Variants in DOP1A observed in about 807,000 individuals in gnomAD.
DOP1A encodes the protein protein DOP1A.
In DOP1A, 90 loss-of-function variants were observed where a neutral mutation model predicts 267.6. That is an observed-to-expected ratio of 0.34 (90% CI 0.28 to 0.40). The LOEUF is 0.40. DOP1A is among the 10% of genes least tolerant of loss of function. The pLI, the probability that DOP1A is intolerant of heterozygous loss-of-function variation, is 1.00. For synonymous variants in DOP1A, 932 were observed against 999.1 expected (o/e 0.93, Z 1.27); for missense variants, 2,437 against 2,900.4 (o/e 0.84, Z 3.67).
chr6:83,148,332 T>C (rs1378801660), intron 26 of DOP1A, among the ~76,000 whole-genome samples: 1 of 151,894 alleles, frequency 6.6e-6, no homozygotes, highest in Non-Finnish European at 1.5e-5. Context: ...GAGAATTGCT[T>C]GAACCGGGGA....
chr6:83,167,602 A>G, intron 38 of DOP1A: 1 of 1,169,828 alleles, frequency 8.5e-7, no homozygotes, highest in Non-Finnish European at 1.1e-6. Context: ...TCCTGTTCAA[A>G]GCTATTTCTG....
intron 24 of DOP1A, among the ~76,000 whole-genome samples, chr6:83,142,752 AT>A (rs1383687447): frequency 9.3e-5 from 14 of 151,302 alleles, no homozygotes; most frequent in South Asian, 4.2e-4. Flanking sequence ...TAATTCACAA[AT>A]TTTTTTTTCT....
At chr6:83,076,330 T>G (rs1203632718) in intron 1 of DOP1A, among the ~76,000 whole-genome samples, 1 of 152,128 alleles carries the variant, frequency 6.6e-6, no homozygotes. Context: ...GAGACCATCC[T>G]GGCCAACATG....
At position 83,137,479 on chromosome 6, in the gene DOP1A, A is replaced by T. The variant is rs1010935607; in HGVS notation, c.3437A>T (p.Asp1146Val). 2 of 1,613,688 alleles carry T rather than the reference A, an allele frequency of 1.2e-6. No homozygotes were observed. The highest frequency in any genetic ancestry group is 1.7e-6 in the Non-Finnish European group (2 of 1,179,844). The change falls in exon 21 of 39, where the codon GAT becomes GTT. Residue 1146 changes from aspartate to valine, a missense_variant. This residue lies in a region of DOP1A where 878 missense variants were observed against 992.9 expected (regional missense o/e 0.88). Coordinates refer to ENST00000349129, the MANE Select transcript of DOP1A (RefSeq NM_015018.4). ...DSQMPKESSP[D>V]DDVQQVVFDL... ...CAAATGCCCAAGGAAAGCTCCCCAG[A>T]TGATGATGTTCAACAGGTAGTATTT...
chr6:83,126,705 G>A (rs747734578), intron 15 of DOP1A, among the ~76,000 whole-genome samples: 54 of 152,048 alleles, frequency 3.6e-4, no homozygotes, highest in Non-Finnish European at 7.5e-4. Context: ...TGGTGAGGGA[G>A]GTAAAAAGAG....
intron 1 of DOP1A, among the ~76,000 whole-genome samples, chr6:83,078,350 A>T (rs1180995615): frequency 2.6e-5 from 4 of 152,208 alleles, no homozygotes; most frequent in Non-Finnish European, 4.4e-5. Flanking sequence ...GGATTATCAA[A>T]TGTACTTTTC....
At chr6:83,111,337 C>T (rs1355320092) in intron 6 of DOP1A, among the ~76,000 whole-genome samples, 1 of 151,314 alleles carries the variant, frequency 6.6e-6, no homozygotes, top group African/African-American at 2.4e-5. Flanking sequence ...ATTGAACACT[C>T]ATGTATGAGT....
chr6:83,168,591 A>C, downstream of DOP1A: 4 of 998,002 alleles, frequency 4.0e-6, no homozygotes, highest in Non-Finnish European at 4.8e-6. Flanking sequence ...AACGTATTAT[A>C]ATTAGTTTTT....
chr6:83,073,750 AC>A (rs1786003774), intron 1 of DOP1A, among the ~76,000 whole-genome samples: 1 of 152,324 alleles, frequency 6.6e-6, no homozygotes, highest in East Asian at 1.9e-4. Flanking sequence ...TGGAGAACTC[AC>A]TTTCGAAGTG....
chr6:83,168,410 T>C lies in DOP1A; in HGVS notation c.*243T>C, dbSNP rs528442970. The stretch of plus-strand genomic sequence containing the variant: ...TATATATATACACATGTAAAGTCCA[T>C]TGTTTTTATTGTCCTGAGTTGTCTT... On this transcript the variant is annotated 3_prime_UTR_variant, in exon 39 of 39. Transcript: ENST00000349129. 5.5e-5 allele frequency: 66 copies of C among 1,209,728 alleles called. 2 individuals are homozygous for C. The South Asian group carries it at 1.6e-3, about 30-fold the overall frequency. 74.9% of individuals were successfully genotyped at this position (1,209,728 alleles called of 1,614,324 possible).
intron 25 of DOP1A, among the ~76,000 whole-genome samples, chr6:83,146,823 C>A (rs1227783446): frequency 1.3e-5 from 2 of 152,110 alleles, no homozygotes; most frequent in African/African-American, 4.8e-5. Context: ...CAAATTTGAA[C>A]TACACTAATT....
chr6:83,166,932 T>C (rs1785846726), intron 38 of DOP1A: 5 of 986,940 alleles, frequency 5.1e-6, no homozygotes, highest in Middle Eastern at 5.1e-4. Context: ...GTTCATTGCT[T>C]ATTTTCATTC....
chr6:83,088,667 G>A (rs545059134), intron 1 of DOP1A, among the ~76,000 whole-genome samples: 6 of 151,600 alleles, frequency 4.0e-5, no homozygotes, highest in Admixed American at 2.0e-4. Context: ...TGATCTGCCC[G>A]CCTCAACCTC....
At position 83,137,753 on chromosome 6, in the gene DOP1A, C is replaced by G; in HGVS notation, c.3711C>G (p.Ser1237=). The G allele has an allele frequency of 6.2e-7, 1 of 1,613,792 alleles. No homozygotes were observed. The highest frequency in any genetic ancestry group is 2.2e-5 in the East Asian group (1 of 44,860). The part of the protein sequence containing the change: ...CVANGISRNS[S]SPCISGTTHT... ...CAAATGGAATCTCCAGGAATAGCTCCTCACCTTGTATTTCAGGAACCACAC... is the reference window on the plus strand; with the variant it reads ...CAAATGGAATCTCCAGGAATAGCTCGTCACCTTGTATTTCAGGAACCACAC... Residue 1237 remains serine, a synonymous_variant, in exon 21 of 39, where the codon TCC becomes TCG. Coordinates refer to ENST00000349129, the MANE Select transcript of DOP1A (RefSeq NM_015018.4).
chr6:83,160,648 G>A (rs889991116), intron 37 of DOP1A, among the ~76,000 whole-genome samples: 2 of 152,038 alleles, frequency 1.3e-5, no homozygotes, highest in African/African-American at 4.8e-5. Flanking sequence ...AAAAGAATAG[G>A]GGAAAAGTTG....
rs543155175 is a variant in DOP1A, at chr6:83,118,836, A to C, written c.781-52A>C. 94 of 1,504,390 alleles carry C rather than the reference A, an allele frequency of 6.2e-5. 1 individual carries two copies. In the Admixed American group the frequency reaches 1.7e-3, roughly 28 times the overall value. The allele number at this position is 1,504,390 out of a possible 1,614,324, so 93.2% of individuals were successfully genotyped here. ...CAGGGCATTTTTTAAAGAGGAAAAAAATAATATATATTGTATATTGCTAAG... is the reference window on the plus strand; with the variant it reads ...CAGGGCATTTTTTAAAGAGGAAAAACATAATATATATTGTATATTGCTAAG... On this transcript the variant is annotated intron_variant, in intron 7 of 38. Coordinates refer to ENST00000349129, the MANE Select transcript of DOP1A (RefSeq NM_015018.4).
At position 83,132,365 on chromosome 6, in the gene DOP1A, CCACACACACA is replaced by C. The variant is rs3830927; in HGVS notation, c.2769+48_2769+57del. The C allele has an allele frequency of 2.1e-6, 3 of 1,405,840 alleles. No homozygotes were observed. The Admixed American group carries it at 5.6e-5, about 26-fold the overall frequency. 87.1% of individuals were successfully genotyped at this position (1,405,840 alleles called of 1,614,324 possible). The stretch of plus-strand genomic sequence containing the variant: ...TATCTTGTGCACACCGCCCCCTCCG[CCACACACACA>C]CACACACACAAATACTGAAAAGTAA... On this transcript the variant is annotated intron_variant, in intron 18 of 38. Coordinates refer to ENST00000349129, the MANE Select transcript of DOP1A (RefSeq NM_015018.4).
At chr6:83,104,015 A>G (rs1325598307) in intron 4 of DOP1A, among the ~76,000 whole-genome samples, 1 of 152,130 alleles carries the variant, frequency 6.6e-6, no homozygotes, top group African/African-American at 2.4e-5. Context: ...TCTTTTGAAG[A>G]AAGTTTTTTT....
At chr6:83,083,233 T>C (rs1419886610) in intron 1 of DOP1A, among the ~76,000 whole-genome samples, 1 of 152,192 alleles carries the variant, frequency 6.6e-6, no homozygotes, top group East Asian at 1.9e-4. Context: ...GTATTTTGAG[T>C]TGAGCTTTGG....
Sources: gnomAD v4.1 joint callset for allele counts (sites outside exome capture counted in the v4.1 genomes callset) on GRCh38, gnomAD v4.1.1 for gene constraint, gnomAD v4.1.1 regional missense constraint, MANE v1.5 for transcripts, NCBI Gene and HGNC (gene_info 2026-07-23, HGNC 2026-07-21) for gene names.